Variants in ROCK1 observed in about 807,000 individuals in gnomAD.
ROCK1 encodes the protein rho-associated protein kinase 1.
Under a neutral mutation model 196.8 loss-of-function variants are expected in ROCK1, and 36 were observed. The observed-to-expected ratio is 0.18, with a 90% CI of 0.14 to 0.24. The LOEUF (loss-of-function observed/expected upper bound fraction) is 0.24, where lower values mean the gene tolerates loss of function less well. Ranked by LOEUF, ROCK1 falls within the 10% of genes least tolerant of loss-of-function variation. The pLI, the probability that ROCK1 is intolerant of heterozygous loss-of-function variation, is 1.00. For missense variants in ROCK1, 920 were observed against 1,562.0 expected, an observed-to-expected ratio of 0.59 and a Z score of 6.93; for synonymous variants, 443 against 515.9, an observed-to-expected ratio of 0.86 and a Z score of 1.91.
chr18:21,022,219 T>C (rs1598531770), intron 11 of ROCK1, among the ~76,000 whole-genome samples: 1 of 152,140 alleles, frequency 6.6e-6, no homozygotes, highest in East Asian at 1.9e-4. Flanking sequence ...AATGGACAGA[T>C]AATTACTCTG....
chr18:21,044,230 A>C, intron 5 of ROCK1, 44 bp from the exon 6 acceptor site: 1 of 1,423,322 alleles, frequency 7.0e-7, no homozygotes, highest in East Asian at 2.3e-5. Flanking sequence ...GAAACAGATT[A>C]GACACTGTAA....
chr18:21,053,074 T>C (rs2036217368), intron 2 of ROCK1, among the ~76,000 whole-genome samples: 1 of 152,312 alleles, frequency 6.6e-6, no homozygotes, highest in Non-Finnish European at 1.5e-5. Context: ...TCAAAATTGG[T>C]TATTTTTTAA....
intron 16 of ROCK1, among the ~76,000 whole-genome samples, chr18:21,005,493 T>C (rs2035760629): frequency 6.6e-6 from 1 of 152,216 alleles, no homozygotes; most frequent in African/African-American, 2.4e-5. Context: ...TCTGTAAAAC[T>C]GAAAAATATC....
At chr18:20,990,693 C>CAAAAA (rs1170099682) in intron 18 of ROCK1, among the ~76,000 whole-genome samples, 4 of 22,580 alleles carry the variant, frequency 1.8e-4, no homozygotes, top group Non-Finnish European at 3.5e-4. Context: ...AACTTCGTCT[C>CAAAAA]AAAAAAAAAA....
intron 14 of ROCK1, 63 bp from the exon 15 acceptor site, chr18:21,006,853 C>T: frequency 8.4e-7 from 1 of 1,183,862 alleles, no homozygotes; most frequent in Non-Finnish European, 1.2e-6. Flanking sequence ...CATATAAATC[C>T]TTTTTTAAAA....
chr18:21,024,426 G>C (rs569745189), intron 10 of ROCK1, among the ~76,000 whole-genome samples: 1 of 152,188 alleles, frequency 6.6e-6, no homozygotes, highest in African/African-American at 2.4e-5. Context: ...ATTATATAAA[G>C]GTAAGGTACT....
chr18:21,052,124 A>C (rs1410825076), intron 2 of ROCK1, among the ~76,000 whole-genome samples: 1 of 152,226 alleles, frequency 6.6e-6, no homozygotes, highest in African/African-American at 2.4e-5. Flanking sequence ...CAGACAAGTC[A>C]TTTGAAATCT....
At chr18:21,019,693 G>T (rs755481683) in intron 12 of ROCK1, among the ~76,000 whole-genome samples, 1 of 151,778 alleles carries the variant, frequency 6.6e-6, no homozygotes, top group Non-Finnish European at 1.5e-5. Context: ...AGCTACTCGG[G>T]AGGCTGAGGC....
At chr18:20,999,351 A>G (rs2035700646) in intron 16 of ROCK1, among the ~76,000 whole-genome samples, 1 of 152,182 alleles carries the variant, frequency 6.6e-6, no homozygotes, top group Non-Finnish European at 1.5e-5. Flanking sequence ...AATGCACATT[A>G]AGAAAAAGCC....
chr18:20,987,607 T>C (rs1346040400), intron 18 of ROCK1, among the ~76,000 whole-genome samples: 1 of 152,202 alleles, frequency 6.6e-6, no homozygotes. Flanking sequence ...TACTGGAATA[T>C]ATTAGTCTAC....
intron 9 of ROCK1, among the ~76,000 whole-genome samples, chr18:21,036,863 A>G (rs1287024785): frequency 6.6e-6 from 1 of 152,184 alleles, no homozygotes; most frequent in Admixed American, 6.6e-5. Flanking sequence ...ATACTATGTT[A>G]AATACTAAAT....
rs756659907 is a variant in ROCK1 at position 20,951,354 on chromosome 18, C to G, written c.*30G>C. 7 of 1,600,264 alleles carry G rather than the reference C, an allele frequency of 4.4e-6. No individual in the cohort carries two copies. Among genetic ancestry groups the G allele is most frequent in the Non-Finnish European group, 5.1e-6 (6 of 1,172,600 alleles). On this transcript the variant is annotated 3_prime_UTR_variant, in exon 33 of 33. Coordinates refer to ENST00000399799, the MANE Select transcript of ROCK1 (RefSeq NM_005406.3). ...GCCTGGTTTATCAGGTAGCATCCCA[C>G]ACGATTCCACAGGGCACTCAGTCAC... is the stretch of plus-strand genomic sequence containing the variant.
At chr18:21,092,888 CAGTT>C (rs1045677443) in intron 1 of ROCK1, among the ~76,000 whole-genome samples, 6 of 152,114 alleles carry the variant, frequency 3.9e-5, no homozygotes, top group Admixed American at 6.6e-5. Flanking sequence ...AAGTGTATCT[CAGTT>C]GGTGGTCTTA....
At chr18:21,017,186 C>CTTTTTTTT (rs774542704) in intron 12 of ROCK1, among the ~76,000 whole-genome samples, 7 of 99,090 alleles carry the variant, frequency 7.1e-5, no homozygotes, top group Admixed American at 1.3e-4. Context: ...TACCACACTT[C>CTTTTTTTT]TTTTTTTTTT....
intron 16 of ROCK1, among the ~76,000 whole-genome samples, chr18:21,001,790 A>C (rs576918215): frequency 1.2e-4 from 19 of 152,016 alleles, no homozygotes; most frequent in South Asian, 6.2e-4. Flanking sequence ...AAAGAAATAC[A>C]TGGGAGGCTA....
chr18:21,049,953 A>C (rs1365850278), intron 2 of ROCK1, 73 bp from the exon 3 acceptor site: 1 of 689,550 alleles, frequency 1.5e-6, no homozygotes, highest in African/African-American at 1.9e-5. Flanking sequence ...TTTACATTCG[A>C]GTTCTTAAGA....
chr18:21,031,432 G>A (rs1304148600), intron 9 of ROCK1, among the ~76,000 whole-genome samples: 53 of 151,550 alleles, frequency 3.5e-4, no homozygotes, highest in Admixed American at 1.4e-3. Context: ...GTGAAACCCC[G>A]TCTCTACTAA....
At chr18:21,088,290 T>G (rs2036543188) in intron 1 of ROCK1, among the ~76,000 whole-genome samples, 1 of 152,124 alleles carries the variant, frequency 6.6e-6, no homozygotes, top group South Asian at 2.1e-4. Context: ...GCTCAGGAGT[T>G]CAAGGCCCAT....
At position 20,947,147 on chromosome 18, in the gene ROCK1, G is replaced by C. The variant is rs2035136259; in HGVS notation, c.*4237C>G. The C allele has an allele frequency of 6.6e-6, 1 of 152,180 alleles. No homozygotes were observed. The highest frequency in any genetic ancestry group is 2.4e-5 in the African/African-American group (1 of 41,452). The allele number at this position is 152,180 out of a possible 1,614,324, so 9.4% of individuals were successfully genotyped here. On this transcript the variant is annotated 3_prime_UTR_variant, in exon 33 of 33. Transcript: ENST00000399799. ...GACAATTCATTAACATTTGGCAAAA[G>C]AAAGGAGATATTTAATCTCTTTGTA...
Sources: allele counts gnomAD v4.1 joint callset (sites outside exome capture counted in the v4.1 genomes callset), GRCh38; gene constraint gnomAD v4.1.1; transcripts MANE v1.5; gene names NCBI Gene and HGNC (gene_info 2026-07-23, HGNC 2026-07-21).